Variants in FRMD4B observed in about 807,000 individuals in gnomAD.
FRMD4B encodes FERM domain-containing protein 4B.
FRMD4B carries 74 observed loss-of-function variants against 141.5 expected under a neutral mutation model. The observed-to-expected ratio is 0.52, with a 90% CI of 0.43 to 0.63. FRMD4B has a LOEUF of 0.63. FRMD4B is among the 30% of genes least tolerant of loss of function. The pLI, the probability that FRMD4B is intolerant of heterozygous loss-of-function variation, is 0.00. For missense variants in FRMD4B, 1,366 were observed against 1,253.4 expected, an observed-to-expected ratio of 1.09 and a Z score of -1.36; for synonymous variants, 506 against 467.9, an observed-to-expected ratio of 1.08 and a Z score of -1.05.
At position 69,176,406 on chromosome 3, in the gene FRMD4B, C is replaced by G. The variant is rs147847762; in HGVS notation, c.2984+118G>C. The stretch of plus-strand genomic sequence containing the variant: ...CAAAACAGATGGCAGCTGGAGTTGG[C>G]CCACAGGCTAGAGTTTGCCAACCCC... On this transcript the variant is annotated intron_variant, in intron 22 of 22. Coordinates refer to ENST00000398540, the MANE Select transcript of FRMD4B (RefSeq NM_015123.3). 1.4e-4 allele frequency: 105 copies of G among 773,350 alleles called. No homozygotes were observed. In the African/African-American group the frequency reaches 1.7e-3, roughly 12 times the overall value. The allele number at this position is 773,350 out of a possible 1,614,324, so 47.9% of individuals were successfully genotyped here. A position where few individuals can be genotyped will look rare whatever the true frequency, so the allele number is the denominator to read the frequency against.
intron 7 of FRMD4B, among the ~76,000 whole-genome samples, chr3:69,232,859 C>CT (rs1015669127): frequency 2.0e-5 from 3 of 147,112 alleles, no homozygotes; most frequent in South Asian, 2.1e-4. Flanking sequence ...TGTAGAACAG[C>CT]TTAAAAAAAA....
chr3:69,250,133 G>A (rs1383197229), intron 5 of FRMD4B, 34 bp from the exon 6 acceptor site: 2 of 1,461,280 alleles, frequency 1.4e-6, no homozygotes, highest in African/African-American at 2.8e-5. Context: ...CATTGAACAT[G>A]GGGCTGTCCT....
At chr3:69,217,459 A>G (rs2107732447) in intron 10 of FRMD4B, among the ~76,000 whole-genome samples, 1 of 152,110 alleles carries the variant, frequency 6.6e-6, no homozygotes, top group South Asian at 2.1e-4. Context: ...CATCTCCACT[A>G]AAAATACAAA....
chr3:69,310,687 G>T (rs1471801762), intron 3 of FRMD4B, among the ~76,000 whole-genome samples: 1 of 151,058 alleles, frequency 6.6e-6, no homozygotes, highest in Non-Finnish European at 1.5e-5. Flanking sequence ...TACCTGCCTT[G>T]TTTTGGGGAG....
At chr3:69,201,509 T>C (rs1431486143) in intron 11 of FRMD4B, among the ~76,000 whole-genome samples, 4 of 151,796 alleles carry the variant, frequency 2.6e-5, no homozygotes, top group Non-Finnish European at 5.9e-5. Flanking sequence ...TTTCACCATC[T>C]AATCAGTTGG....
chr3:69,261,502 T>C (rs1370209503), intron 5 of FRMD4B, among the ~76,000 whole-genome samples: 1 of 152,236 alleles, frequency 6.6e-6, no homozygotes, highest in Non-Finnish European at 1.5e-5. Flanking sequence ...AGGCTTATAG[T>C]AAAATTGTCT....
intron 21 of FRMD4B, 86 bp downstream of exon 21, chr3:69,180,813 C>T: frequency 1.1e-6 from 1 of 909,016 alleles, no homozygotes; most frequent in Non-Finnish European, 1.7e-6. Context: ...GAGTACTGGT[C>T]TCATGATCCG....
chr3:69,404,894 A>G (rs1391433099), intron 2 of FRMD4B, among the ~76,000 whole-genome samples: 2 of 152,172 alleles, frequency 1.3e-5, no homozygotes, highest in Admixed American at 6.5e-5. Flanking sequence ...CTTCCTCACA[A>G]CTGTGTCCTC....
chr3:69,217,257 C>T (rs2093149809), intron 10 of FRMD4B, among the ~76,000 whole-genome samples: 2 of 152,170 alleles, frequency 1.3e-5, no homozygotes, highest in South Asian at 4.1e-4. Context: ...AAAGAATATA[C>T]TGACACAGGA....
At chr3:69,472,774 G>A (rs974838695) in intron 1 of FRMD4B, among the ~76,000 whole-genome samples, 1 of 152,072 alleles carries the variant, frequency 6.6e-6, no homozygotes, top group Non-Finnish European at 1.5e-5. Context: ...CCAGTCCAGT[G>A]TTAAGAGGAC....
At position 69,170,139 on chromosome 3, in the gene FRMD4B, A is replaced by G. The variant is rs1045362245; in HGVS notation, c.*1722T>C. 2 of 152,224 alleles carry G rather than the reference A, an allele frequency of 1.3e-5. No individual in the cohort carries two copies. The highest frequency in any genetic ancestry group is 2.9e-5 in the Non-Finnish European group (2 of 68,050). 9.4% of individuals were successfully genotyped at this position (152,224 alleles called of 1,614,324 possible). A position where few individuals can be genotyped will look rare whatever the true frequency, so the allele number is the denominator to read the frequency against. On this transcript the variant is annotated 3_prime_UTR_variant, in exon 23 of 23. Coordinates refer to ENST00000398540, the MANE Select transcript of FRMD4B (RefSeq NM_015123.3). ...AAATATTTAAAAATGTACATCCCGG[A>G]ATTAATAAAATACGGTAATACTATA...
intron 1 of FRMD4B, among the ~76,000 whole-genome samples, chr3:69,325,944 G>GA (rs1300284745): frequency 6.6e-6 from 1 of 151,508 alleles, no homozygotes; most frequent in Non-Finnish European, 1.5e-5. Context: ...CTTCTCTCAA[G>GA]AAAAAAGTTT....
In FRMD4B at chr3:69,181,598, G is replaced by C; in HGVS notation, c.2152C>G (p.Gln718Glu). The change falls in exon 21 of 23, where the codon CAA (glutamine) becomes GAA (glutamate). Residue 718 changes from glutamine to glutamate, a missense_variant. Transcript: ENST00000398540. ...AGGATTTCTGTGCTGCTGCTTCTTT[G>C]GGATTTGGAGAGGGAGAAAAATGGC... ...DKPFFSLSKSQRSSSTEILDD... is the reference protein window; with the variant it reads ...DKPFFSLSKSERSSSTEILDD... 6.2e-7 allele frequency: 1 copy of C among 1,613,782 alleles called. No homozygotes were observed. The highest frequency in any genetic ancestry group is 8.5e-7 in the Non-Finnish European group (1 of 1,179,782).
intron 1 of FRMD4B, among the ~76,000 whole-genome samples, chr3:69,358,788 T>A (rs375968304): frequency 6.6e-6 from 1 of 152,154 alleles, no homozygotes; most frequent in Non-Finnish European, 1.5e-5. Flanking sequence ...CAAGACATGA[T>A]AATGGATTAT....
At chr3:69,215,565 A>G (rs1575618430) in intron 11 of FRMD4B, among the ~76,000 whole-genome samples, 1 of 152,002 alleles carries the variant, frequency 6.6e-6, no homozygotes, top group Admixed American at 6.6e-5. Context: ...TGCTGGGATT[A>G]CAGACAGGAG....
intron 5 of FRMD4B, among the ~76,000 whole-genome samples, chr3:69,283,493 T>C (rs912936544): frequency 6.7e-6 from 1 of 149,784 alleles, no homozygotes; most frequent in African/African-American, 2.5e-5. Context: ...TGCAGTAGCA[T>C]TTAAAGGAAT....
chr3:69,353,658 T>TGC (rs1703229338), intron 1 of FRMD4B: 1 of 982,882 alleles, frequency 1.0e-6, no homozygotes, highest in Non-Finnish European at 1.2e-6. Context: ...CGCGTGTGTG[T>TGC]GCGCGCATGT....
chr3:69,192,976 C>G (rs1575596054), intron 17 of FRMD4B, among the ~76,000 whole-genome samples: 1 of 151,908 alleles, frequency 6.6e-6, no homozygotes, highest in Non-Finnish European at 1.5e-5. Flanking sequence ...TACCACCATG[C>G]CTGGCTAATT....
At chr3:69,213,869 G>A (rs1170993300) in intron 11 of FRMD4B, among the ~76,000 whole-genome samples, 1 of 151,392 alleles carries the variant, frequency 6.6e-6, no homozygotes, top group Non-Finnish European at 1.5e-5. Context: ...GTAGAGATGG[G>A]GTCTTGTCAC....
Sources: gnomAD v4.1 joint callset for allele counts (sites outside exome capture counted in the v4.1 genomes callset) on GRCh38, gnomAD v4.1.1 for gene constraint, MANE v1.5 for transcripts, NCBI Gene and HGNC (gene_info 2026-07-23, HGNC 2026-07-21) for gene names.